The following CAMTA1 variants were observed in gnomAD, a reference collection of about 807,000 sequenced individuals.
CAMTA1 encodes the protein calmodulin-binding transcription activator 1.
Under a neutral mutation model 170.9 loss-of-function variants are expected in CAMTA1, and 27 were observed. The observed-to-expected ratio is 0.16, with a 90% CI of 0.12 to 0.22. The LOEUF (loss-of-function observed/expected upper bound fraction) is 0.22, where lower values mean the gene tolerates loss of function less well. Ranked by LOEUF, CAMTA1 falls within the 10% of genes least tolerant of loss-of-function variation. The pLI is 1.00. For synonymous variants in CAMTA1, 833 were observed against 891.5 expected, an observed-to-expected ratio of 0.93 and a Z score of 1.17; for missense variants, 1,619 against 2,217.2, an observed-to-expected ratio of 0.73 and a Z score of 5.42.
chr1:7,539,926 C>A (rs1440211039), intron 6 of CAMTA1, among the ~76,000 whole-genome samples: 1 of 152,214 alleles, frequency 6.6e-6, no homozygotes, highest in Non-Finnish European at 1.5e-5. Context: ...CTCTGCTGGG[C>A]TGTCCCTTAC....
At chr1:6,825,955 T>C (rs951832745) in intron 3 of CAMTA1, among the ~76,000 whole-genome samples, 1 of 152,228 alleles carries the variant, frequency 6.6e-6, no homozygotes, top group Non-Finnish European at 1.5e-5. Context: ...TTGGGAGTTA[T>C]ATTCCTTTAA....
intron 6 of CAMTA1, among the ~76,000 whole-genome samples, chr1:7,555,172 G>C (rs2150210898): frequency 6.6e-6 from 1 of 152,218 alleles, no homozygotes; most frequent in East Asian, 1.9e-4. Flanking sequence ...CTGTGGCTTT[G>C]GAAATCTATT....
At chr1:7,629,577 C>G (rs548310726) in intron 6 of CAMTA1, among the ~76,000 whole-genome samples, 64 of 152,322 alleles carry the variant, frequency 4.2e-4, no homozygotes, top group African/African-American at 1.4e-3. Flanking sequence ...GAGTTAGAAG[C>G]AACTTTCACC....
intron 6 of CAMTA1, among the ~76,000 whole-genome samples, chr1:7,636,443 G>A (rs2095712825): frequency 6.6e-6 from 1 of 152,150 alleles, no homozygotes; most frequent in Admixed American, 6.5e-5. Context: ...CCGGCCGGGT[G>A]CAGTGGCTCA....
chr1:6,943,837 ACT>A (rs1353572711), intron 3 of CAMTA1, among the ~76,000 whole-genome samples: 2 of 126,512 alleles, frequency 1.6e-5, no homozygotes, highest in Non-Finnish European at 3.2e-5. Context: ...ACAGAAGGAG[ACT>A]CTGTCTCAAA....
intron 6 of CAMTA1, among the ~76,000 whole-genome samples, chr1:7,494,760 C>T (rs975565170): frequency 6.6e-5 from 10 of 151,980 alleles, no homozygotes; most frequent in South Asian, 2.1e-4. Context: ...GCAGAGATGG[C>T]GCCACTGCAC....
In CAMTA1 at chr1:6,850,873, G is replaced by A. The variant is rs529095382; in HGVS notation, c.234+25663G>A. 2.8e-3 allele frequency among the ~76,000 whole-genome samples: 427 copies of A among 152,292 alleles called. 1 individual carries two copies. The highest frequency in any genetic ancestry group is 0.01 in the Middle Eastern group (3 of 294). On this transcript the variant is annotated intron_variant, in intron 3 of 22. Transcript: ENST00000303635. ...TAGGCTTTGAGTAGGAGACCCAAAA[G>A]CCTATATCTTAGAGATAGTAGCTCC... is the stretch of plus-strand genomic sequence containing the variant.
At chr1:7,752,401 T>A in intron 20 of CAMTA1, 58 bp from the exon 21 acceptor site, 1 of 1,477,724 alleles carries the variant, frequency 6.8e-7, no homozygotes, top group Non-Finnish European at 9.5e-7. Context: ...GCTGACCAGT[T>A]TTCCATATTG....
intron 6 of CAMTA1, among the ~76,000 whole-genome samples, chr1:7,626,844 A>G (rs578236622): frequency 6.6e-6 from 1 of 152,348 alleles, no homozygotes; most frequent in East Asian, 1.9e-4. Context: ...TTCCAAGAGG[A>G]GTAAACAGAA....
At chr1:6,828,395 G>A (rs542745994) in intron 3 of CAMTA1, among the ~76,000 whole-genome samples, 26 of 148,300 alleles carry the variant, frequency 1.8e-4, no homozygotes, top group Non-Finnish European at 3.1e-4. Flanking sequence ...GGGTTCAAGC[G>A]GTTCTCCTGC....
intron 5 of CAMTA1, among the ~76,000 whole-genome samples, chr1:7,386,312 A>G (rs553982832): frequency 6.6e-6 from 1 of 152,324 alleles, no homozygotes; most frequent in East Asian, 1.9e-4. Context: ...CTGACTCATC[A>G]TGAGCAGCCG....
intron 11 of CAMTA1, among the ~76,000 whole-genome samples, chr1:7,717,156 T>C (rs1270527327): frequency 1.3e-5 from 2 of 152,092 alleles, no homozygotes; most frequent in East Asian, 3.9e-4. Flanking sequence ...AGAGAATGTG[T>C]ATTTACAGTT....
chr1:7,125,124 G>A (rs572577121), intron 4 of CAMTA1, among the ~76,000 whole-genome samples: 3 of 151,884 alleles, frequency 2.0e-5, no homozygotes, highest in East Asian at 1.9e-4. Flanking sequence ...AGGAAGCAAC[G>A]CCTCTGCATC....
chr1:7,436,255 C>T lies in CAMTA1; in HGVS notation c.439-31575C>T, dbSNP rs373962668. Among the ~76,000 whole-genome samples, 32 of 152,308 alleles carry T rather than the reference C, an allele frequency of 2.1e-4. No individual in the cohort carries two copies. In the East Asian group the frequency reaches 2.1e-3, roughly 10 times the overall value. On this transcript the variant is annotated intron_variant, in intron 5 of 22. Transcript: ENST00000303635. ...AGTGTGTTTGAAGCTGGGAGATGCC[C>T]TGCGTGCCGCAGGCCCCTGTCCTCA... is the stretch of plus-strand genomic sequence containing the variant.
At chr1:7,541,805 AT>A (rs1272073915) in intron 6 of CAMTA1, among the ~76,000 whole-genome samples, 1 of 152,176 alleles carries the variant, frequency 6.6e-6, no homozygotes, top group Non-Finnish European at 1.5e-5. Context: ...TGAACTCAAG[AT>A]CCTGCCAGAA....
At chr1:7,643,137 G>T (rs2095778041) in intron 7 of CAMTA1, among the ~76,000 whole-genome samples, 1 of 150,058 alleles carries the variant, frequency 6.7e-6, no homozygotes, top group Non-Finnish European at 1.5e-5. Context: ...ACATTTAGAG[G>T]GGAGTTCCTG....
At chr1:6,900,338 C>A (rs556396651) in intron 3 of CAMTA1, among the ~76,000 whole-genome samples, 1 of 152,116 alleles carries the variant, frequency 6.6e-6, no homozygotes, top group Admixed American at 6.5e-5. Flanking sequence ...GAGACAGCCT[C>A]CTGTCATCCC....
chr1:7,392,819 A>T (rs1421600446), intron 5 of CAMTA1, among the ~76,000 whole-genome samples: 1 of 152,036 alleles, frequency 6.6e-6, no homozygotes, highest in African/African-American at 2.4e-5. Flanking sequence ...GATTGCAGTG[A>T]GCCGAGATCA....
chr1:7,391,179 T>A (rs538868787), intron 5 of CAMTA1, among the ~76,000 whole-genome samples: 34 of 152,294 alleles, frequency 2.2e-4, no homozygotes, highest in Non-Finnish European at 4.7e-4. Context: ...GTATTTTTAG[T>A]AGAGATGGGG....
Sources: gnomAD v4.1 joint callset for allele counts (sites outside exome capture counted in the v4.1 genomes callset) on GRCh38, gnomAD v4.1.1 for gene constraint, MANE v1.5 for transcripts, NCBI Gene and HGNC (gene_info 2026-07-23, HGNC 2026-07-21) for gene names.